Variants in SWT1 observed in about 807,000 individuals in gnomAD.
The protein encoded by SWT1 is SWT1 RNA endoribonuclease homolog.
In SWT1, 33 loss-of-function variants were observed where a neutral mutation model predicts 107.3. The ratio of observed to expected loss-of-function variants is 0.31; its 90% CI spans 0.23 to 0.41. The LOEUF (loss-of-function observed/expected upper bound fraction) is 0.41, where lower values mean the gene tolerates loss of function less well. Ranked by LOEUF, SWT1 falls within the 10% of genes least tolerant of loss-of-function variation. The probability of loss-of-function intolerance (pLI) is 1.00; values close to 1 mark genes in which losing one functional copy is unlikely to be tolerated. For missense variants in SWT1, 898 were observed against 1,028.9 expected (o/e 0.87, Z 1.74); for synonymous variants, 345 against 348.3 (o/e 0.99, Z 0.11).
chr1:185,187,241 G>A lies in SWT1; in HGVS notation c.1429+2310G>A, dbSNP rs960562756. 2.6e-5 allele frequency among the ~76,000 whole-genome samples: 4 copies of A among 151,138 alleles called. No homozygotes were observed. In the East Asian group the frequency reaches 5.9e-4, roughly 22 times the overall value. On this transcript the variant is annotated intron_variant, in intron 9 of 18. Transcript: ENST00000367500. ...TACCCAGCTGATTTTTGTATTTTTA[G>A]TAGAGATGGGGTTTTGTCATGTTGG...
At chr1:185,229,494 T>A (rs1269298900) in intron 15 of SWT1, among the ~76,000 whole-genome samples, 1 of 152,066 alleles carries the variant, frequency 6.6e-6, no homozygotes, top group East Asian at 1.9e-4. Flanking sequence ...ATTGTATAAA[T>A]CTATATAAAA....
intron 4 of SWT1, among the ~76,000 whole-genome samples, chr1:185,169,713 T>C (rs979651078): frequency 5.3e-5 from 8 of 151,538 alleles, no homozygotes; most frequent in African/African-American, 1.5e-4. Flanking sequence ...GGCGATGTAG[T>C]GAGACCCCAT....
At chr1:185,239,510 G>C (rs1052180969) in intron 16 of SWT1, among the ~76,000 whole-genome samples, 1 of 152,000 alleles carries the variant, frequency 6.6e-6, no homozygotes, top group African/African-American at 2.4e-5. Flanking sequence ...AAGGGATGAG[G>C]ATCTTGCAAA....
chr1:185,269,243 C>A (rs1289461373), intron 16 of SWT1, among the ~76,000 whole-genome samples: 1 of 152,096 alleles, frequency 6.6e-6, no homozygotes, highest in Non-Finnish European at 1.5e-5. Context: ...ATCTAGATAG[C>A]TTTGTCTTCA....
At chr1:185,250,687 G>T (rs1661945882) in intron 16 of SWT1, among the ~76,000 whole-genome samples, 1 of 151,844 alleles carries the variant, frequency 6.6e-6, no homozygotes, top group Non-Finnish European at 1.5e-5. Context: ...TTTTGAGATG[G>T]AGTCTTGCTG....
chr1:185,230,771 A>G (rs1350476765), intron 15 of SWT1, among the ~76,000 whole-genome samples: 1 of 151,940 alleles, frequency 6.6e-6, no homozygotes, highest in Non-Finnish European at 1.5e-5. Context: ...GTTTTGAGAC[A>G]GGGTCTCATT....
At chr1:185,283,185 G>A (rs1664743251) in intron 18 of SWT1, among the ~76,000 whole-genome samples, 1 of 152,128 alleles carries the variant, frequency 6.6e-6, no homozygotes, top group Admixed American at 6.5e-5. Flanking sequence ...ATAAAGCAAG[G>A]AATTAAGATT....
chr1:185,228,693 TA>T lies in SWT1; in HGVS notation c.2310-2882del, dbSNP rs1660279521. Among the ~76,000 whole-genome samples, 17 of 152,230 alleles carry T rather than the reference TA, an allele frequency of 1.1e-4. No homozygotes were observed. In the South Asian group the frequency reaches 3.5e-3, roughly 32 times the overall value. On this transcript the variant is annotated intron_variant, in intron 15 of 18. Coordinates refer to ENST00000367500, the MANE Select transcript of SWT1 (RefSeq NM_017673.7). ...AGTATGTCATTTGATCATGACGCCT[TA>T]AGAGGAAAGAAGAAATGGAGGAATA... is the stretch of plus-strand genomic sequence containing the variant.
chr1:185,198,281 G>A (rs1657572112), intron 10 of SWT1, among the ~76,000 whole-genome samples: 1 of 152,176 alleles, frequency 6.6e-6, no homozygotes, highest in Non-Finnish European at 1.5e-5. Flanking sequence ...GTTCTAATTT[G>A]ATTACACTGT....
At chr1:185,228,200 T>TATATATATATAC (rs1235462995) in intron 15 of SWT1, among the ~76,000 whole-genome samples, 1 of 144,954 alleles carries the variant, frequency 6.9e-6, no homozygotes, top group East Asian at 2.1e-4. Context: ...CATATATATA[T>TATATATATATAC]ACTCAGTATG....
Position 185,169,003 on chromosome 1 carries a change from T to A in SWT1, c.224+605T>A, listed in dbSNP as rs527825362. On this transcript the variant is annotated intron_variant, in intron 4 of 18. Coordinates refer to ENST00000367500, the MANE Select transcript of SWT1 (RefSeq NM_017673.7). ...GATAAAACTTGGTAAGATCAAGGTT[T>A]CTCCAAAAATAAGAAGTTAAGGGAA... is the stretch of plus-strand genomic sequence containing the variant. Among the ~76,000 whole-genome samples the A allele has an allele frequency of 2.6e-5, 4 of 152,278 alleles. No individual in the cohort carries two copies. In the East Asian group the frequency reaches 7.7e-4, roughly 29 times the overall value.
rs759668590 is a variant in SWT1 at position 185,174,586 on chromosome 1, G to A, written c.439G>A (p.Gly147Arg). The A allele has an allele frequency of 6.2e-7, 1 of 1,607,780 alleles. No individual in the cohort carries two copies. Among genetic ancestry groups the A allele is most frequent in the Non-Finnish European group, 8.5e-7 (1 of 1,178,464 alleles). The change falls in exon 5 of 19, where the codon GGA becomes AGA. Residue 147 changes from glycine (G) to arginine (R), a missense_variant. Physicochemically the swap from Gly to Arg is moderately radical, Grantham distance 125. Around this residue, in one of 6 missense-constraint regions of SWT1, gnomAD observed 382 missense variants for 362.4 expected, o/e 1.05. Transcript: ENST00000367500. ...LTNAGSKLDH[G>R]IKSLSSPKIA... ...AAATGCTGGGAGCAAGCTTGACCAT[G>A]GAATTAAAAGCCTTAGTAGTCCTAA...
At chr1:185,231,150 CTAT>C (rs1660481778) in intron 15 of SWT1, among the ~76,000 whole-genome samples, 2 of 152,160 alleles carry the variant, frequency 1.3e-5, no homozygotes, top group Non-Finnish European at 2.9e-5. Flanking sequence ...TTGTGAATAA[CTAT>C]TATTAATTTA....
At chr1:185,259,592 G>T (rs373855406) in intron 16 of SWT1, among the ~76,000 whole-genome samples, 1 of 151,990 alleles carries the variant, frequency 6.6e-6, no homozygotes. Flanking sequence ...TATAAATTGA[G>T]TGACTCCTAG....
chr1:185,192,421 C>T (rs1657031007), intron 10 of SWT1, among the ~76,000 whole-genome samples: 1 of 152,120 alleles, frequency 6.6e-6, no homozygotes, highest in African/African-American at 2.4e-5. Flanking sequence ...GATCTATATA[C>T]AGTGAATTAG....
chr1:185,160,981 GA>G (rs927922163), intron 2 of SWT1, 56 bp downstream of exon 2: 4 of 1,287,676 alleles, frequency 3.1e-6, no homozygotes, highest in East Asian at 2.4e-5. Context: ...TTTGCTTAAT[GA>G]AAAAAATACA....
At chr1:185,167,889 A>G (rs754114663) in intron 3 of SWT1, among the ~76,000 whole-genome samples, 14 of 152,084 alleles carry the variant, frequency 9.2e-5, no homozygotes, top group Non-Finnish European at 1.3e-4. Context: ...CTGTTTTAGC[A>G]CTTTTTGACT....
At chr1:185,198,774 TG>T (rs1053095048) in intron 10 of SWT1, among the ~76,000 whole-genome samples, 15 of 151,560 alleles carry the variant, frequency 9.9e-5, no homozygotes, top group African/African-American at 3.1e-4. Context: ...TTTTTTTTTT[TG>T]CTTTCCATTT....
At chr1:185,242,224 G>A (rs917718644) in intron 16 of SWT1, among the ~76,000 whole-genome samples, 2 of 152,064 alleles carry the variant, frequency 1.3e-5, no homozygotes, top group Non-Finnish European at 2.9e-5. Context: ...CAGTTAATGT[G>A]TATATCAAAT....
Sources: allele counts gnomAD v4.1 joint callset (sites outside exome capture counted in the v4.1 genomes callset), GRCh38; gene constraint gnomAD v4.1.1; regional missense constraint gnomAD v4.1.1; transcripts MANE v1.5; gene names NCBI Gene and HGNC (gene_info 2026-07-23, HGNC 2026-07-21).